Variants in CNKSR2 observed in about 807,000 individuals in gnomAD.
CNKSR2 encodes the protein connector enhancer of kinase suppressor of Ras 2, also known as CNK homolog protein 2.
A neutral mutation model predicts 84.4 loss-of-function variants in CNKSR2; 14 were observed. The ratio of observed to expected loss-of-function variants is 0.17; its 90% CI spans 0.11 to 0.26. The LOEUF is 0.26. CNKSR2 is among the 10% of genes least tolerant of loss of function. The probability of loss-of-function intolerance (pLI) is 1.00; values close to 1 mark genes in which losing one functional copy is unlikely to be tolerated. For missense variants in CNKSR2, 485 were observed against 771.2 expected (o/e 0.63, Z 4.40); for synonymous variants, 275 against 277.9 (o/e 0.99, Z 0.10).
At chrX:21,585,319 A>T (rs2092379390) in intron 13 of CNKSR2, among the ~76,000 whole-genome samples, 1 of 106,387 alleles carries the variant, frequency 9.4e-6, no homozygotes, top group Admixed American at 1.0e-4. Context: ...GTATAAATAT[A>T]TTAGAGAGGG....
intron 4 of CNKSR2, among the ~76,000 whole-genome samples, chrX:21,452,675 A>G (rs1282251209): frequency 2.7e-5 from 3 of 110,927 alleles, no homozygotes; most frequent in Non-Finnish European, 5.7e-5. Context: ...GTAGAGGAAT[A>G]TTATGCAAGA....
chrX:21,491,679 A>G (rs926756064), intron 6 of CNKSR2: 8 of 112,120 alleles, frequency 7.1e-5, no homozygotes, highest in Middle Eastern at 4.6e-3. Flanking sequence ...AGCATATCAG[A>G]CATAGCATGC....
chrX:21,542,966 C>A (rs2091989164), intron 11 of CNKSR2, among the ~76,000 whole-genome samples: 1 of 112,086 alleles, frequency 8.9e-6, no homozygotes, highest in South Asian at 3.7e-4. Flanking sequence ...TAACATTATA[C>A]CTGAACATTT....
chrX:21,643,079 TAG>T (rs2092696745), intron 20 of CNKSR2: 1 of 110,941 alleles, frequency 9.0e-6, no homozygotes, highest in East Asian at 2.8e-4. Flanking sequence ...TTAAGGAATA[TAG>T]TGACTCCACA....
intron 20 of CNKSR2, among the ~76,000 whole-genome samples, chrX:21,631,964 A>G (rs913823768): frequency 3.6e-5 from 4 of 112,281 alleles, no homozygotes; most frequent in Admixed American, 2.8e-4. Flanking sequence ...TGAAAAAAGA[A>G]TACTAATTAG....
At chrX:21,453,658 G>A (rs763736217) in intron 4 of CNKSR2, among the ~76,000 whole-genome samples, 1 of 111,704 alleles carries the variant, frequency 9.0e-6, no homozygotes, top group South Asian at 3.8e-4. Flanking sequence ...AGCTGTATTA[G>A]TCCATTCTTG....
Position 21,374,592 on chromosome X carries a change from G to T in CNKSR2, c.-306G>T. 8.2e-6 allele frequency: 4 copies of T among 490,422 alleles called. No homozygotes were observed. The highest frequency in any genetic ancestry group is 1.4e-5 in the Non-Finnish European group (4 of 282,012). 40.4% of individuals were successfully genotyped at this position (490,422 alleles called of 1,213,427 possible). On this transcript the variant is annotated 5_prime_UTR_variant, in exon 1 of 22. Coordinates refer to ENST00000379510, the MANE Select transcript of CNKSR2 (RefSeq NM_014927.5). ...GGACGGAGACCGGAGCGGAGCGGCG[G>T]AGGCAGCAGCAGCAGCAGCAGCAGC...
chrX:21,588,139 A>G (rs2092399889), intron 13 of CNKSR2, among the ~76,000 whole-genome samples: 1 of 112,246 alleles, frequency 8.9e-6, no homozygotes, highest in Admixed American at 9.4e-5. Context: ...GCATGTAGAC[A>G]TCCTCTGCCT....
chrX:21,506,019 C>T (rs1208079174), intron 8 of CNKSR2: 2 of 110,514 alleles, frequency 1.8e-5, no homozygotes, highest in Admixed American at 9.7e-5. Flanking sequence ...CTATTTTCTT[C>T]TGTTCTGCTT....
At chrX:21,618,908 G>T (rs1393899917) in intron 20 of CNKSR2, among the ~76,000 whole-genome samples, 1 of 111,769 alleles carries the variant, frequency 8.9e-6, no homozygotes, top group East Asian at 2.8e-4. Context: ...TAATAAATGA[G>T]ATTTTTTCTT....
At chrX:21,505,721 A>G (rs1181272910) in intron 8 of CNKSR2, 2 of 111,153 alleles carry the variant, frequency 1.8e-5, no homozygotes, top group African/African-American at 6.5e-5. Context: ...ATCAGAATGG[A>G]TAGAGAGTGT....
chrX:21,435,152 C>T (rs1044764570), intron 3 of CNKSR2, among the ~76,000 whole-genome samples: 2 of 109,632 alleles, frequency 1.8e-5, no homozygotes, highest in African/African-American at 6.6e-5. Context: ...AAGACTACCA[C>T]TTTTCTGTTT....
At chrX:21,417,078 CT>C (rs1440579359) in intron 1 of CNKSR2, among the ~76,000 whole-genome samples, 1 of 111,339 alleles carries the variant, frequency 9.0e-6, no homozygotes, top group Non-Finnish European at 1.9e-5. Flanking sequence ...CTTAGTACTG[CT>C]TTTGCTATAT....
chrX:21,496,490 C>T (rs2091501520), intron 6 of CNKSR2, among the ~76,000 whole-genome samples: 1 of 111,544 alleles, frequency 9.0e-6, no homozygotes, highest in African/African-American at 3.2e-5. Flanking sequence ...AAGTGATAAG[C>T]ATTCATTTTG....
intron 13 of CNKSR2, among the ~76,000 whole-genome samples, chrX:21,588,802 G>A (rs1417839985): frequency 2.7e-5 from 3 of 111,298 alleles, no homozygotes; most frequent in African/African-American, 9.8e-5. Context: ...AATCTATGTA[G>A]CTTTCTAAAA....
intron 20 of CNKSR2, among the ~76,000 whole-genome samples, chrX:21,610,728 GTTC>G (rs759439410): frequency 4.5e-5 from 5 of 111,849 alleles, no homozygotes; most frequent in African/African-American, 1.3e-4. Context: ...ATTAGTGTAA[GTTC>G]TTCATCACAA....
At chrX:21,447,314 A>C (rs1325674851) in intron 4 of CNKSR2, among the ~76,000 whole-genome samples, 1 of 111,491 alleles carries the variant, frequency 9.0e-6, no homozygotes, top group Non-Finnish European at 1.9e-5. Flanking sequence ...TTACTAGGCT[A>C]TACAGTTTGC....
chrX:21,452,681 C>A lies in CNKSR2; in HGVS notation c.519+11900C>A, dbSNP rs2090949163. Among the ~76,000 whole-genome samples the A allele has an allele frequency of 5.4e-5, 6 of 110,338 alleles. No individual in the cohort carries two copies. In the South Asian group the frequency reaches 2.3e-3, roughly 42 times the overall value. Reference sequence around the variant, plus strand: ...TAGAATTTTGTAGAGGAATATTATGCAAGATGTGGAAGAATTGGCCGTGTT... The same window carrying A: ...TAGAATTTTGTAGAGGAATATTATGAAAGATGTGGAAGAATTGGCCGTGTT... On this transcript the variant is annotated intron_variant, in intron 4 of 21. Coordinates refer to ENST00000379510, the MANE Select transcript of CNKSR2 (RefSeq NM_014927.5).
chrX:21,400,132 CAATT>C (rs1280339527), intron 1 of CNKSR2, among the ~76,000 whole-genome samples: 2 of 110,560 alleles, frequency 1.8e-5, no homozygotes, highest in Non-Finnish European at 3.8e-5. Flanking sequence ...CAGTAACCTG[CAATT>C]AATTAATACT....
Sources: allele counts gnomAD v4.1 joint callset (sites outside exome capture counted in the v4.1 genomes callset), GRCh38; gene constraint gnomAD v4.1.1; transcripts MANE v1.5; gene names NCBI Gene and HGNC (gene_info 2026-07-23, HGNC 2026-07-21).